BCAS3: variants seen among roughly 807,000 people sequenced by gnomAD.
The protein encoded by BCAS3 is BCAS4/BCAS3 fusion.
In BCAS3, 53 loss-of-function variants were observed where a neutral mutation model predicts 116.1. The ratio of observed to expected loss-of-function variants is 0.46; its 90% confidence interval spans 0.37 to 0.57. The LOEUF is 0.57. Among genes scored for constraint, BCAS3 ranks in the 20% least tolerant of loss-of-function variants. BCAS3 has a pLI of 0.00. For missense variants in BCAS3, 917 were observed against 1,165.4 expected, an observed-to-expected ratio of 0.79 and a Z score of 3.10; for synonymous variants, 391 against 408.2, an observed-to-expected ratio of 0.96 and a Z score of 0.51.
chr17:61,010,908 G>A (rs1260617617), intron 15 of BCAS3, among the ~76,000 whole-genome samples: 1 of 151,982 alleles, frequency 6.6e-6, no homozygotes, highest in East Asian at 1.9e-4. Flanking sequence ...ACTGGGATGA[G>A]AGTCTTAGAT....
In BCAS3 at chr17:61,034,795, G is replaced by A. The variant is rs754044443; in HGVS notation, c.1762+5G>A. 2.5e-6 allele frequency: 4 copies of A among 1,582,920 alleles called. No homozygotes were observed. The highest frequency in any genetic ancestry group is 2.3e-5 in the South Asian group (2 of 85,218). On this transcript the variant is annotated splice_donor_5th_base_variant and intron_variant, in intron 17 of 23. Coordinates refer to ENST00000407086, the MANE Select transcript of BCAS3 (RefSeq NM_017679.5). The surrounding 1 kb of genome is among the most constrained non-coding windows in gnomAD (Gnocchi z 5.0). ...CAGGTCTGAAAAGAGAAAAAGGTAT[G>A]TATTTTTACTGAAAAATGAATGCTC...
chr17:60,913,839 G>A (rs1381089352), intron 12 of BCAS3, among the ~76,000 whole-genome samples: 19 of 152,104 alleles, frequency 1.2e-4, no homozygotes, highest in Non-Finnish European at 7.4e-5. Flanking sequence ...GTATTAAGAA[G>A]AAATGGATTT....
chr17:61,018,314 T>TC (rs1568132948), intron 16 of BCAS3, among the ~76,000 whole-genome samples: 1 of 137,554 alleles, frequency 7.3e-6, no homozygotes, highest in Non-Finnish European at 1.5e-5. Flanking sequence ...TTTTTTTTTT[T>TC]TTTTTGAGAC....
chr17:61,081,982 C>T (rs2072657536), intron 21 of BCAS3, among the ~76,000 whole-genome samples: 1 of 152,150 alleles, frequency 6.6e-6, no homozygotes, highest in East Asian at 1.9e-4. Flanking sequence ...ATATGTAGTG[C>T]AGTGATAATC....
intron 13 of BCAS3, among the ~76,000 whole-genome samples, chr17:60,933,352 A>T (rs2059761162): frequency 6.6e-6 from 1 of 152,214 alleles, no homozygotes; most frequent in Non-Finnish European, 1.5e-5. Context: ...TCAGTAAATA[A>T]TTGATTTGCT....
At position 61,084,542 on chromosome 17, in the gene BCAS3, C is replaced by A; in HGVS notation, c.2403C>A (p.Ser801=). The change falls in exon 22 of 24, where the codon TCC becomes TCA. Residue 801 remains serine, a synonymous_variant. Coordinates refer to ENST00000407086, the MANE Select transcript of BCAS3 (RefSeq NM_017679.5). The surrounding 1 kb of genome is among the most constrained non-coding windows in gnomAD (Gnocchi z 5.5). The stretch of plus-strand genomic sequence containing the variant: ...CAGTCTCTGATCGAAGGGGAGTTTC[C>A]ACAGTGATTGATGCTGCCTCAGGTA... ...SRPVSDRRGV[S]TVIDAASGTF... 6.2e-7 allele frequency: 1 copy of A among 1,613,988 alleles called. No individual in the cohort carries two copies. Among genetic ancestry groups the A allele is most frequent in the Non-Finnish European group, 8.5e-7 (1 of 1,179,908 alleles).
At chr17:60,925,678 C>G (rs952066196) in intron 13 of BCAS3, among the ~76,000 whole-genome samples, 1 of 152,112 alleles carries the variant, frequency 6.6e-6, no homozygotes, top group African/African-American at 2.4e-5. Context: ...CAGCCTTTCT[C>G]CTGTATATCA....
chr17:61,072,586 T>C (rs1450966199), intron 19 of BCAS3, among the ~76,000 whole-genome samples: 1 of 151,448 alleles, frequency 6.6e-6, no homozygotes, highest in Non-Finnish European at 1.5e-5. Flanking sequence ...AAATTCACAT[T>C]AGGTACTAGC....
At chr17:61,086,477 T>C (rs1482391691) in intron 22 of BCAS3, among the ~76,000 whole-genome samples, 1 of 152,250 alleles carries the variant, frequency 6.6e-6, no homozygotes, top group Non-Finnish European at 1.5e-5. Flanking sequence ...TGAACTGTTA[T>C]TTAAATCCTT....
intron 5 of BCAS3, among the ~76,000 whole-genome samples, chr17:60,745,450 C>A (rs1431150264): frequency 6.6e-6 from 1 of 151,910 alleles, no homozygotes; most frequent in Non-Finnish European, 1.5e-5. Flanking sequence ...ATTAGTGTTA[C>A]ACCTTTTAGC....
At chr17:60,991,777 T>G (rs1026442919) in intron 15 of BCAS3, among the ~76,000 whole-genome samples, 2 of 152,188 alleles carry the variant, frequency 1.3e-5, no homozygotes, top group Non-Finnish European at 2.9e-5. Flanking sequence ...CTCCTCATTC[T>G]TCTTTCTCCT....
intron 14 of BCAS3, among the ~76,000 whole-genome samples, chr17:60,988,658 C>G (rs1203930070): frequency 1.3e-5 from 2 of 151,986 alleles, no homozygotes; most frequent in African/African-American, 2.4e-5. Context: ...TCCATTTCTT[C>G]TAGATTTTCC....
chr17:61,236,474 C>G (rs2083068461), intron 22 of BCAS3, among the ~76,000 whole-genome samples: 1 of 152,110 alleles, frequency 6.6e-6, no homozygotes, highest in Non-Finnish European at 1.5e-5. Context: ...CACCCGCCAC[C>G]ATGCCTGGCT....
chr17:60,736,473 A>G (rs761767785), intron 5 of BCAS3, among the ~76,000 whole-genome samples: 3 of 152,142 alleles, frequency 2.0e-5, no homozygotes, highest in Non-Finnish European at 2.9e-5. Context: ...GGAGTGAGCC[A>G]CCACACACAG....
rs535792810 is a variant in BCAS3 at position 61,012,311 on chromosome 17, C to T, written c.1487-3440C>T. Reference sequence around the variant, plus strand: ...AAGATTGAGTGGAACTTTTGCTTGGCGCAGTATGCATCTTTGTTAATGTCT... The same window carrying T: ...AAGATTGAGTGGAACTTTTGCTTGGTGCAGTATGCATCTTTGTTAATGTCT... On this transcript the variant is annotated intron_variant, in intron 15 of 23. Coordinates refer to ENST00000407086, the MANE Select transcript of BCAS3 (RefSeq NM_017679.5). This position sits in a 1 kb window ranked among gnomAD's most constrained non-coding sequence, Gnocchi z 4.5. 5.3e-5 allele frequency among the ~76,000 whole-genome samples: 8 copies of T among 152,136 alleles called. No individual in the cohort carries two copies. Among genetic ancestry groups the T allele is most frequent in the Admixed American group, 2.6e-4 (4 of 15,260 alleles).
chr17:61,162,035 A>G lies in BCAS3; in HGVS notation c.2425+77471A>G, dbSNP rs2078197642. Among the ~76,000 whole-genome samples the G allele has an allele frequency of 6.6e-6, 1 of 152,198 alleles. No homozygotes were observed. Among genetic ancestry groups the G allele is most frequent in the Non-Finnish European group, 1.5e-5 (1 of 68,036 alleles). ...CCAGCTAAATGTAGAGCTGATTTAT[A>G]TTTATAGGCTGGTTGTAGATTTGGT... On this transcript the variant is annotated intron_variant, in intron 22 of 23. Coordinates refer to ENST00000407086, the MANE Select transcript of BCAS3 (RefSeq NM_017679.5). The surrounding 1 kb of genome is among the most constrained non-coding windows in gnomAD (Gnocchi z 5.6).
intron 22 of BCAS3, among the ~76,000 whole-genome samples, chr17:61,086,111 CAG>C (rs1252052868): frequency 2.0e-5 from 3 of 152,180 alleles, no homozygotes; most frequent in Admixed American, 1.3e-4. Flanking sequence ...TTTTTTGAGA[CAG>C]AGTCTCCCAC....
rs143033021 is a variant in BCAS3 at position 61,324,048 on chromosome 17, G to A, written c.2426-44279G>A. 5.9e-5 allele frequency among the ~76,000 whole-genome samples: 9 copies of A among 152,316 alleles called. No individual in the cohort carries two copies. The highest frequency in any genetic ancestry group is 5.8e-4 in the East Asian group (3 of 5,192). The stretch of plus-strand genomic sequence containing the variant: ...TCCTCACACTTCTTTGGCTGGAGCC[G>A]CCTTCCTCTGTGTTCTCAGTGTGCT... On this transcript the variant is annotated intron_variant, in intron 22 of 23. Coordinates refer to ENST00000407086, the MANE Select transcript of BCAS3 (RefSeq NM_017679.5). The surrounding 1 kb of genome is among the most constrained non-coding windows in gnomAD (Gnocchi z 4.6).
intron 22 of BCAS3, among the ~76,000 whole-genome samples, chr17:61,345,493 T>C (rs2057451426): frequency 6.6e-6 from 1 of 150,968 alleles, no homozygotes; most frequent in African/African-American, 2.4e-5. Flanking sequence ...CGGGAACCCA[T>C]GGAAAAATGA....
Sources: gnomAD v4.1 joint callset for allele counts (sites outside exome capture counted in the v4.1 genomes callset) on GRCh38, gnomAD v4.1.1 for gene constraint, Gnocchi (gnomAD v3.1) non-coding constraint, MANE v1.5 for transcripts, NCBI Gene and HGNC (gene_info 2026-07-23, HGNC 2026-07-21) for gene names.